MPP7: variants seen among roughly 807,000 people sequenced by gnomAD.
The protein encoded by MPP7 is MAGUK p55 scaffold protein 7, also known as MAGUK p55 subfamily member 7.
MPP7 carries 60 observed loss-of-function variants against 76.5 expected under a neutral mutation model. The ratio of observed to expected loss-of-function variants is 0.78; its 90% CI spans 0.64 to 0.97. The LOEUF is 0.97. Among genes scored for constraint, MPP7 ranks in the 50% least tolerant of loss-of-function variants. The pLI, the probability that MPP7 is intolerant of heterozygous loss-of-function variation, is 0.00. For missense variants in MPP7, 641 were observed against 694.0 expected (o/e 0.92, Z 0.86); for synonymous variants, 237 against 244.5 (o/e 0.97, Z 0.29).
At chr10:28,235,625 T>G (rs894963850) in intron 2 of MPP7, among the ~76,000 whole-genome samples, 2 of 152,140 alleles carry the variant, frequency 1.3e-5, no homozygotes, top group African/African-American at 4.8e-5. Context: ...ACATACAGAT[T>G]ACAGTTGGAT....
In MPP7 at chr10:28,293,631, A is replaced by C. The variant is rs1417025268; in HGVS notation, c.-132+9230T>G. On this transcript the variant is annotated intron_variant, in intron 1 of 16. Transcript: ENST00000683449. ...GACCAATCATGACAGTGTGCCATGA[A>C]GTGAGTGCTAACTCCAGTCCGAGCC... 2.6e-5 allele frequency among the ~76,000 whole-genome samples: 4 copies of C among 152,184 alleles called. No individual in the cohort carries two copies. The East Asian group carries it at 7.7e-4, about 29-fold the overall frequency.
At chr10:28,109,824 C>T (rs1368842280) in intron 11 of MPP7, among the ~76,000 whole-genome samples, 2 of 76,420 alleles carry the variant, frequency 2.6e-5, no homozygotes, top group East Asian at 7.2e-4. Context: ...TAAAGCAGAA[C>T]AGTTAGAAGG....
At chr10:28,265,389 T>C (rs1394202538) in intron 1 of MPP7, among the ~76,000 whole-genome samples, 1 of 152,034 alleles carries the variant, frequency 6.6e-6, no homozygotes, top group South Asian at 2.1e-4. Flanking sequence ...CGAAACCCCA[T>C]CTCCACAAAA....
At position 28,302,987 on chromosome 10, in the gene MPP7, G is replaced by A. The variant is rs1263307625; in HGVS notation, c.-258C>T. ...AGGACAATCGGGAGCCAGCGGGCTC[G>A]GCACCGCCGCGGCGGGCGCAGAACG... On this transcript the variant is annotated 5_prime_UTR_variant, in exon 1 of 17. Transcript: ENST00000683449. Among the ~76,000 whole-genome samples the A allele has an allele frequency of 6.6e-6, 1 of 152,104 alleles. No individual in the cohort carries two copies. Among genetic ancestry groups the A allele is most frequent in the East Asian group, 1.9e-4 (1 of 5,152 alleles).
chr10:28,271,272 G>A (rs1203120700), intron 1 of MPP7, among the ~76,000 whole-genome samples: 1 of 152,126 alleles, frequency 6.6e-6, no homozygotes, highest in African/African-American at 2.4e-5. Flanking sequence ...AAAAACATTT[G>A]TTTTACTTGA....
At chr10:28,160,798 T>C (rs1191754484) in intron 3 of MPP7, among the ~76,000 whole-genome samples, 1 of 152,190 alleles carries the variant, frequency 6.6e-6, no homozygotes, top group African/African-American at 2.4e-5. Flanking sequence ...TCCAGGCTTG[T>C]GATGTGTGTG....
chr10:28,300,298 G>C (rs542452595), intron 1 of MPP7, among the ~76,000 whole-genome samples: 2 of 152,180 alleles, frequency 1.3e-5, no homozygotes, highest in African/African-American at 2.4e-5. Context: ...CATTGGGGGA[G>C]GGGGAGAAGT....
At chr10:28,067,903 T>C (rs943312099) in intron 13 of MPP7, among the ~76,000 whole-genome samples, 1 of 152,122 alleles carries the variant, frequency 6.6e-6, no homozygotes, top group Admixed American at 6.6e-5. Context: ...AGTGCACCTA[T>C]CATCTATGGA....
At chr10:28,127,800 T>C (rs989817664) in intron 6 of MPP7, among the ~76,000 whole-genome samples, 9 of 151,908 alleles carry the variant, frequency 5.9e-5, no homozygotes, top group Non-Finnish European at 1.0e-4. Flanking sequence ...GGGCAGGAAA[T>C]AGAAGACCAG....
intron 3 of MPP7, among the ~76,000 whole-genome samples, chr10:28,185,135 C>G (rs1268810332): frequency 6.8e-6 from 1 of 147,032 alleles, no homozygotes; most frequent in Non-Finnish European, 1.5e-5. Context: ...TCGAGACCAG[C>G]CTATATTATA....
At chr10:28,310,162 C>T (rs530583101) in intron 2 of MPP7, among the ~76,000 whole-genome samples, 8 of 152,110 alleles carry the variant, frequency 5.3e-5, no homozygotes, top group African/African-American at 1.7e-4. Context: ...CCACCACACC[C>T]GGCTAATTGT....
chr10:28,103,385 C>A (rs1462895630), intron 11 of MPP7, among the ~76,000 whole-genome samples: 1 of 146,590 alleles, frequency 6.8e-6, no homozygotes, highest in Non-Finnish European at 1.5e-5. Flanking sequence ...GCTGTCGGGG[C>A]ACCTGAACAC....
At chr10:28,291,961 C>T (rs986280830) in intron 1 of MPP7, among the ~76,000 whole-genome samples, 3 of 152,200 alleles carry the variant, frequency 2.0e-5, no homozygotes, top group African/African-American at 4.8e-5. Context: ...CATTCACTCA[C>T]CACCCACTCA....
intron 12 of MPP7, among the ~76,000 whole-genome samples, chr10:28,082,620 C>T (rs1852817269): frequency 6.6e-6 from 1 of 152,108 alleles, no homozygotes. Context: ...CCTTGCCTGG[C>T]TAATTTTATT....
rs545744269 is a variant in MPP7 at position 28,187,360 on chromosome 10, A to C, written c.156+14793T>G. Among the ~76,000 whole-genome samples the C allele has an allele frequency of 2.6e-5, 4 of 152,338 alleles. No homozygotes were observed. The South Asian group carries it at 8.3e-4, about 32-fold the overall frequency. On this transcript the variant is annotated intron_variant, in intron 3 of 16. Transcript: ENST00000683449. The stretch of plus-strand genomic sequence containing the variant: ...AGACTTTACATGTTTCTGTGCCTGA[A>C]AAAATGTAAACTATAACGTAAGAAA...
At chr10:28,322,890 T>A (rs1834379867) in intron 2 of MPP7, among the ~76,000 whole-genome samples, 1 of 152,148 alleles carries the variant, frequency 6.6e-6, no homozygotes, top group Non-Finnish European at 1.5e-5. Context: ...CATTAAGCAG[T>A]CCCCTGTAGT....
intron 3 of MPP7, among the ~76,000 whole-genome samples, chr10:28,173,049 G>A (rs899942319): frequency 2.0e-5 from 3 of 152,022 alleles, no homozygotes; most frequent in Non-Finnish European, 4.4e-5. Flanking sequence ...TAAAATGTTT[G>A]ATCGACTTTT....
At chr10:28,190,493 G>A (rs1396609989) in intron 3 of MPP7, among the ~76,000 whole-genome samples, 1 of 152,092 alleles carries the variant, frequency 6.6e-6, no homozygotes, top group Non-Finnish European at 1.5e-5. Context: ...AGACCACATG[G>A]AATTAAACTA....
At chr10:28,324,433 G>C (rs1397436816) in intron 2 of MPP7, among the ~76,000 whole-genome samples, 1 of 152,182 alleles carries the variant, frequency 6.6e-6, no homozygotes, top group African/African-American at 2.4e-5. Context: ...CAGATAGTAA[G>C]ATTATTATGT....
Sources: allele counts gnomAD v4.1 joint callset (sites outside exome capture counted in the v4.1 genomes callset), GRCh38; gene constraint gnomAD v4.1.1; transcripts MANE v1.5; gene names NCBI Gene and HGNC (gene_info 2026-07-23, HGNC 2026-07-21).